The following TAMM41 variants were observed in gnomAD, a reference collection of about 807,000 sequenced individuals.
TAMM41 encodes TAM41 mitochondrial translocator assembly and maintenance homolog, also known as phosphatidate cytidylyltransferase, mitochondrial.
TAMM41 carries 36 observed loss-of-function variants against 44.1 expected under a neutral mutation model. That is an observed-to-expected ratio of 0.82 (90% confidence interval 0.63 to 1.08). The LOEUF is 1.08. TAMM41 is among the 50% of genes least tolerant of loss of function. The pLI is 0.00. For missense variants in TAMM41, 417 were observed against 404.3 expected, an observed-to-expected ratio of 1.03 and a Z score of -0.27; for synonymous variants, 164 against 153.1, an observed-to-expected ratio of 1.07 and a Z score of -0.53.
intron 5 of TAMM41, among the ~76,000 whole-genome samples, chr3:11,816,240 C>T (rs1469734276): frequency 2.6e-5 from 4 of 151,376 alleles, no homozygotes; most frequent in Admixed American, 1.3e-4. Context: ...ACCTTTGGCC[C>T]GGCCTGGTTT....
At chr3:11,756,449 C>G in the TAMM41 span, among the ~76,000 whole-genome samples, 1 of 152,088 alleles carries the variant, frequency 6.6e-6, no homozygotes, top group Non-Finnish European at 1.5e-5. Context: ...TTAATATTCA[C>G]AATGACTCTT....
intron 5 of TAMM41, among the ~76,000 whole-genome samples, chr3:11,812,273 G>A (rs971281231): frequency 2.0e-5 from 3 of 152,136 alleles, no homozygotes; most frequent in African/African-American, 7.2e-5. Flanking sequence ...ATCCCAGGAC[G>A]AATGGCAGAG....
the TAMM41 span, among the ~76,000 whole-genome samples, chr3:11,761,539 G>A: frequency 6.6e-6 from 1 of 152,250 alleles, no homozygotes; most frequent in South Asian, 2.1e-4. Flanking sequence ...TCTGTCTCCT[G>A]AGAAACATAA....
chr3:11,751,742 A>G, the TAMM41 span, among the ~76,000 whole-genome samples: 1 of 152,294 alleles, frequency 6.6e-6, no homozygotes, highest in East Asian at 1.9e-4. Context: ...TCCCTGCCGC[A>G]CTTGCCACTG....
At position 11,829,839 on chromosome 3, in the gene TAMM41, T is replaced by A. The variant is rs765505245; in HGVS notation, c.437A>T (p.Asp146Val). The A allele has an allele frequency of 6.2e-7, 1 of 1,614,152 alleles. No homozygotes were observed. The highest frequency in any genetic ancestry group is 1.3e-5 in the African/African-American group (1 of 75,016). Reference sequence around the variant, plus strand: ...ATCGAGGGCTGATCTAAGAGTGACATCCTCGTTCACTGAGATAATTTTCAC... The same window carrying A: ...ATCGAGGGCTGATCTAAGAGTGACAACCTCGTTCACTGAGATAATTTTCAC... The part of the protein sequence containing the change: ...KPVKIISVNE[D>V]VTLRSALDRN... Residue 146 changes from aspartate to valine, a missense_variant, in exon 4 of 8, where the codon GAT becomes GTT. Physicochemically the swap from Asp to Val is radical, Grantham distance 152 (BLOSUM62 -3). Coordinates refer to ENST00000455809, the MANE Select transcript of TAMM41 (RefSeq NM_001284401.2).
intron 7 of TAMM41, chr3:11,807,414 C>T (rs1261372232): frequency 3.9e-6 from 6 of 1,529,448 alleles, no homozygotes; most frequent in Admixed American, 4.0e-5. Context: ...CGAAAACTTA[C>T]CATTTAGAGA....
intron 4 of TAMM41, among the ~76,000 whole-genome samples, chr3:11,821,560 C>T (rs987874601): frequency 2.0e-5 from 3 of 152,236 alleles, no homozygotes; most frequent in African/African-American, 4.8e-5. Context: ...TCCCGCTGTG[C>T]GTCCTGGTTC....
chr3:11,795,073 CAGAGGATA>C, intron 7 of TAMM41, among the ~76,000 whole-genome samples: 1 of 152,128 alleles, frequency 6.6e-6, no homozygotes, highest in African/African-American at 2.4e-5. Context: ...AAATCAGAAG[CAGAGGATA>C]ATGACTAATC....
chr3:11,845,888 T>C (rs1397197320), intron 1 of TAMM41, among the ~76,000 whole-genome samples: 1 of 152,252 alleles, frequency 6.6e-6, no homozygotes, highest in African/African-American at 2.4e-5. Flanking sequence ...TTGTTAAAAG[T>C]GCTGAGCGAG....
chr3:11,829,767 T>A lies in TAMM41; in HGVS notation c.509A>T (p.Glu170Val), dbSNP rs1349065504. Residue 170 changes from glutamate (E) to valine (V), a missense_variant, in exon 4 of 8, where the codon GAA becomes GTA. By Grantham distance (121) the Glu-to-Val change is moderately radical. Transcript: ENST00000455809. ...GAAGAGGTCTTCTTCAGAAAAGCTT[T>A]CGGGGAGCATGAGGAAAGCAGCGGT... is the stretch of plus-strand genomic sequence containing the variant. ...AVTAAFLMLP[E>V]SFSEEDLFIE... 6.2e-7 allele frequency: 1 copy of A among 1,614,174 alleles called. No individual in the cohort carries two copies. The highest frequency in any genetic ancestry group is 1.3e-5 in the African/African-American group (1 of 75,050).
chr3:11,796,956 T>C (rs2077620681), intron 7 of TAMM41, among the ~76,000 whole-genome samples: 1 of 152,186 alleles, frequency 6.6e-6, no homozygotes, highest in African/African-American at 2.4e-5. Context: ...GAAAGATCTC[T>C]ACAAGGAGAA....
the TAMM41 span, among the ~76,000 whole-genome samples, chr3:11,729,175 T>C: frequency 6.6e-6 from 1 of 152,174 alleles, no homozygotes; most frequent in Non-Finnish European, 1.5e-5. Context: ...TCTAACACTA[T>C]TCTAAAGATT....
At chr3:11,839,028 C>G (rs1479080875) in intron 3 of TAMM41, among the ~76,000 whole-genome samples, 194 bp downstream of exon 3, 3 of 152,098 alleles carry the variant, frequency 2.0e-5, no homozygotes, top group Non-Finnish European at 4.4e-5. Context: ...GGAAAAAAAC[C>G]AAATACATAT....
At chr3:11,844,345 A>G in intron 1 of TAMM41, 134 bp from the exon 2 acceptor site, 1 of 740,632 alleles carries the variant, frequency 1.4e-6, no homozygotes, top group South Asian at 2.0e-5. Flanking sequence ...CAGAAATGTG[A>G]GCGAGTCTCT....
intron 7 of TAMM41, chr3:11,807,307 T>C: frequency 1.4e-6 from 2 of 1,445,198 alleles, no homozygotes; most frequent in Non-Finnish European, 9.0e-7. Flanking sequence ...GGAGGGTGCG[T>C]ACATTTGATG....
chr3:11,764,496 T>C, the TAMM41 span, among the ~76,000 whole-genome samples: 10 of 124,348 alleles, frequency 8.0e-5, 1 homozygote, highest in African/African-American at 3.3e-4. Context: ...CTTTTTTTTT[T>C]TTTTTTTTTT....
chr3:11,767,786 T>G, the TAMM41 span, among the ~76,000 whole-genome samples: 3 of 151,248 alleles, frequency 2.0e-5, no homozygotes, highest in Non-Finnish European at 4.4e-5. Context: ...CCACCACACC[T>G]GGCTAATTTT....
chr3:11,782,517 G>A, the TAMM41 span, among the ~76,000 whole-genome samples: 4 of 150,748 alleles, frequency 2.7e-5, no homozygotes, highest in Non-Finnish European at 4.4e-5. Context: ...ACTGCACTCC[G>A]GCCTGGGTGA....
At chr3:11,835,178 A>G (rs1211598134) in intron 3 of TAMM41, among the ~76,000 whole-genome samples, 1 of 152,202 alleles carries the variant, frequency 6.6e-6, no homozygotes, top group African/African-American at 2.4e-5. Flanking sequence ...CTTGTCCAAG[A>G]TACTACCACC....
Sources: gnomAD v4.1 joint callset for allele counts (sites outside exome capture counted in the v4.1 genomes callset) on GRCh38, gnomAD v4.1.1 for gene constraint, MANE v1.5 for transcripts, NCBI Gene and HGNC (gene_info 2026-07-23, HGNC 2026-07-21) for gene names.